WWOX: variants seen among roughly 807,000 people sequenced by gnomAD.
WWOX encodes WW domain-containing oxidoreductase.
In WWOX, 69 loss-of-function variants were observed where a neutral mutation model predicts 46.2. That is an observed-to-expected ratio of 1.49 (90% confidence interval 1.23 to 1.82). The LOEUF is 1.82. Ranked by LOEUF, WWOX falls within the 40% of genes most tolerant of loss-of-function variation. The probability of loss-of-function intolerance (pLI) is 0.00; values close to 1 mark genes in which losing one functional copy is unlikely to be tolerated. For synonymous variants in WWOX, 359 were observed against 202.6 expected, an observed-to-expected ratio of 1.77 and a Z score of -6.56; for missense variants, 919 against 542.6, an observed-to-expected ratio of 1.69 and a Z score of -6.89.
chr16:78,101,056 T>G (rs12598564), intron 1 of WWOX, among the ~76,000 whole-genome samples: 50,500 of 151,666 alleles, frequency 0.33, 9,016 homozygotes, highest in South Asian at 0.49. Context: ...TTCTTTTTTT[T>G]TTTTCTTTTG....
In WWOX at chr16:78,411,878, G is replaced by A. The variant is rs73571060; in HGVS notation, c.606-12992G>A. Among the ~76,000 whole-genome samples, 1,496 of 152,324 alleles carry A rather than the reference G, an allele frequency of 9.8e-3. 23 individuals carry two copies. The highest frequency in any genetic ancestry group is 0.033 in the African/African-American group (1,361 of 41,568). ...TGTTCCTATGATCGATTAGGGGACT[G>A]TTCCCAGAGGAGAGCGGAGAGGGAA... is the stretch of plus-strand genomic sequence containing the variant. On this transcript the variant is annotated intron_variant, in intron 6 of 8. Transcript: ENST00000566780.
chr16:78,557,556 T>A (rs116304684), intron 8 of WWOX, among the ~76,000 whole-genome samples: 4,265 of 152,202 alleles, frequency 0.028, 193 homozygotes, highest in African/African-American at 0.094. Flanking sequence ...GTCTTTGAGT[T>A]TCCAAGAAGG....
chr16:78,210,648 G>T (rs547773255), intron 5 of WWOX, among the ~76,000 whole-genome samples: 16 of 152,124 alleles, frequency 1.1e-4, no homozygotes, highest in Non-Finnish European at 5.9e-5. Context: ...TTTGGGGCTT[G>T]TTTAAAGTTT....
chr16:78,693,692 G>T (rs2048039047), intron 8 of WWOX, among the ~76,000 whole-genome samples: 1 of 152,180 alleles, frequency 6.6e-6, no homozygotes, highest in African/African-American at 2.4e-5. Flanking sequence ...ATGGAGGGCA[G>T]GTGTGCTACT....
At chr16:78,892,041 AAG>A (rs2044601867) in intron 8 of WWOX, 1 of 152,116 alleles carries the variant, frequency 6.6e-6, no homozygotes, top group Non-Finnish European at 1.5e-5. Flanking sequence ...ATAAAGTAAA[AAG>A]TGTGTCTGAT....
intron 3 of WWOX, 37 bp from the exon 4 acceptor site, chr16:78,114,939 T>C (rs746769099): frequency 6.2e-7 from 1 of 1,613,752 alleles, no homozygotes; most frequent in South Asian, 1.1e-5. Flanking sequence ...ATGCCTGTGT[T>C]CATTGCTGTG....
intron 5 of WWOX, among the ~76,000 whole-genome samples, chr16:78,233,231 A>T (rs1229828533): frequency 6.6e-6 from 1 of 152,228 alleles, no homozygotes; most frequent in Middle Eastern, 3.2e-3. Context: ...CATTTCACAG[A>T]TATGCAGATT....
At chr16:78,847,210 C>T (rs78140823) in intron 8 of WWOX, among the ~76,000 whole-genome samples, 146 of 152,230 alleles carry the variant, frequency 9.6e-4, no homozygotes, top group African/African-American at 2.9e-3. Context: ...GTGCTAGTTG[C>T]GCTCATTACT....
At chr16:78,847,621 A>G (rs551334562) in intron 8 of WWOX, among the ~76,000 whole-genome samples, 32 of 152,184 alleles carry the variant, frequency 2.1e-4, no homozygotes, top group African/African-American at 7.7e-4. Flanking sequence ...GACTTGAGCC[A>G]CTGCATCTAG....
intron 8 of WWOX, among the ~76,000 whole-genome samples, chr16:78,651,507 G>T (rs1270199992): frequency 6.6e-6 from 1 of 152,188 alleles, no homozygotes; most frequent in Non-Finnish European, 1.5e-5. Context: ...AGATGGGCTG[G>T]CATGAGGCCA....
intron 8 of WWOX, among the ~76,000 whole-genome samples, chr16:78,578,563 C>T (rs961784218): frequency 2.0e-5 from 3 of 151,838 alleles, no homozygotes; most frequent in South Asian, 2.1e-4. Flanking sequence ...GCTGGGATTA[C>T]AGGCGTGAGC....
intron 8 of WWOX, among the ~76,000 whole-genome samples, chr16:78,707,283 C>G (rs76197241): frequency 1.3e-5 from 2 of 152,176 alleles, no homozygotes; most frequent in Non-Finnish European, 1.5e-5. Flanking sequence ...CAGAAGTTAA[C>G]GTACATGCAA....
chr16:79,140,528 A>G (rs1258427019), intron 8 of WWOX, among the ~76,000 whole-genome samples: 4 of 152,210 alleles, frequency 2.6e-5, no homozygotes, highest in East Asian at 3.9e-4. Context: ...GCAGAAAACA[A>G]TGCAGCCTCC....
chr16:79,135,157 T>C (rs113520765), intron 8 of WWOX, among the ~76,000 whole-genome samples: 1,919 of 152,312 alleles, frequency 0.013, 34 homozygotes, highest in African/African-American at 0.043. Flanking sequence ...ACCTCCAAAA[T>C]AACCACTGTT....
At chr16:79,097,297 G>A (rs2049095980) in intron 8 of WWOX, among the ~76,000 whole-genome samples, 1 of 151,466 alleles carries the variant, frequency 6.6e-6, no homozygotes, top group African/African-American at 2.4e-5. Context: ...TTCAAGATCC[G>A]AGATGCCATT....
chr16:78,766,878 C>A (rs534887485), intron 8 of WWOX, among the ~76,000 whole-genome samples: 1 of 152,136 alleles, frequency 6.6e-6, no homozygotes, highest in Non-Finnish European at 1.5e-5. Flanking sequence ...GTGTAACCAT[C>A]AGCATTACCT....
intron 6 of WWOX, among the ~76,000 whole-genome samples, chr16:78,413,059 T>A (rs1011259201): frequency 6.6e-6 from 1 of 152,290 alleles, no homozygotes; most frequent in Admixed American, 6.5e-5. Context: ...TGTAACCACC[T>A]AATGGGTTCT....
At chr16:78,687,731 G>T (rs891237177) in intron 8 of WWOX, among the ~76,000 whole-genome samples, 3 of 152,132 alleles carry the variant, frequency 2.0e-5, no homozygotes, top group Admixed American at 6.5e-5. Flanking sequence ...TAGGCATTAT[G>T]TTATTCTAAA....
intron 8 of WWOX, among the ~76,000 whole-genome samples, chr16:79,094,716 C>A (rs1001188758): frequency 6.6e-6 from 1 of 151,858 alleles, no homozygotes; most frequent in Non-Finnish European, 1.5e-5. Context: ...AACTTAGTGA[C>A]CATCTGAAGA....
Sources: allele counts gnomAD v4.1 joint callset (sites outside exome capture counted in the v4.1 genomes callset), GRCh38; gene constraint gnomAD v4.1.1; transcripts MANE v1.5; gene names NCBI Gene and HGNC (gene_info 2026-07-23, HGNC 2026-07-21).